The following HEPH variants were observed in gnomAD, a reference collection of about 807,000 sequenced individuals.
HEPH encodes hephaestin.
In HEPH, 69 loss-of-function variants were observed where a neutral mutation model predicts 80.8. The ratio of observed to expected loss-of-function variants is 0.85; its 90% CI spans 0.70 to 1.04. The LOEUF (loss-of-function observed/expected upper bound fraction) is 1.04, where lower values mean the gene tolerates loss of function less well. Ranked by LOEUF, HEPH falls within the 50% of genes least tolerant of loss-of-function variation. HEPH has a pLI of 0.00. For missense variants in HEPH, 1,115 were observed against 891.3 expected (o/e 1.25, Z -3.20); for synonymous variants, 431 against 322.8 (o/e 1.34, Z -3.60).
At chrX:66,228,420 A>C (rs2089980674) in intron 15 of HEPH, among the ~76,000 whole-genome samples, 1 of 113,135 alleles carries the variant, frequency 8.8e-6, no homozygotes, top group African/African-American at 3.2e-5. Context: ...ACCTGAAACC[A>C]TAAAAATTCT....
rs771417028 is a variant in HEPH at position 66,256,229 on chromosome X, A to T, written c.2795A>T (p.Lys932Met). The T allele has an allele frequency of 6.6e-6, 8 of 1,211,033 alleles. No homozygotes were observed. The South Asian group carries it at 1.4e-4, about 21-fold the overall frequency. ...TTGTTCTTGATTTTTGATGAAAATAAGTCTTGGTATTTGGAGGAAAATGTG... is the reference window on the plus strand; with the variant it reads ...TTGTTCTTGATTTTTGATGAAAATATGTCTTGGTATTTGGAGGAAAATGTG... ...ALLFLIFDEN[K>M]SWYLEENVAT... The change falls in exon 17 of 21, where the codon AAG (lysine) becomes ATG (methionine). Residue 932 changes from lysine (K) to methionine (M), a missense_variant. Physicochemically the swap from Lys to Met is moderately conservative, Grantham distance 95. This residue lies in a region of HEPH where 716 missense variants were observed against 523.5 expected (regional missense o/e 1.37). Transcript: ENST00000343002.
chrX:66,234,660 G>A (rs766964233), intron 15 of HEPH, among the ~76,000 whole-genome samples: 1 of 108,391 alleles, frequency 9.2e-6, no homozygotes, highest in South Asian at 4.1e-4. Context: ...TTTTTTAGAG[G>A]TAGTCTTGCT....
chrX:66,196,932 A>G (rs2147759273), intron 9 of HEPH, among the ~76,000 whole-genome samples: 1 of 107,716 alleles, frequency 9.3e-6, no homozygotes. Context: ...ATTTTTTTTC[A>G]AGTGTTATTC....
chrX:66,236,435 G>A (rs2090365055), intron 15 of HEPH, among the ~76,000 whole-genome samples: 1 of 111,595 alleles, frequency 9.0e-6, no homozygotes, highest in Non-Finnish European at 1.9e-5. Context: ...TGCATATGTT[G>A]AACTGATCTT....
intron 4 of HEPH, among the ~76,000 whole-genome samples, chrX:66,176,193 A>G (rs914277592): frequency 1.8e-5 from 2 of 112,003 alleles, no homozygotes; most frequent in Admixed American, 1.9e-4. Flanking sequence ...TGTCCCTTGT[A>G]TACCAATTTT....
intron 19 of HEPH, among the ~76,000 whole-genome samples, chrX:66,262,275 C>T (rs1317988827): frequency 1.8e-5 from 2 of 111,555 alleles, no homozygotes; most frequent in Non-Finnish European, 3.8e-5. Flanking sequence ...AAGATTAGTG[C>T]AAGAGTGGAG....
chrX:66,231,313 G>T (rs1189466932), intron 15 of HEPH, among the ~76,000 whole-genome samples: 1 of 107,226 alleles, frequency 9.3e-6, no homozygotes, highest in African/African-American at 3.4e-5. Context: ...ATTCTGTGAA[G>T]AAAGTCATTG....
At chrX:66,248,342 G>T (rs142476099) in intron 15 of HEPH, among the ~76,000 whole-genome samples, 159 of 112,245 alleles carry the variant, frequency 1.4e-3, no homozygotes, top group Middle Eastern at 4.6e-3. Flanking sequence ...CCTGGGATGA[G>T]AATGTTTCCT....
rs1293343721 is a variant in HEPH, at chrX:66,170,693, C to A, written c.123C>A (p.Pro41=). The A allele has an allele frequency of 8.3e-7, 1 of 1,208,610 alleles. No individual in the cohort carries two copies. The highest frequency in any genetic ancestry group is 1.1e-6 in the Non-Finnish European group (1 of 894,502). The change falls in exon 2 of 21, where the codon CCC becomes CCA. Residue 41 remains proline (P), a synonymous_variant. Transcript: ENST00000343002. The part of the protein sequence containing the change: ...GIRDVQWNYA[P]KGRNVITNQP... ...GGGATGTGCAGTGGAACTATGCTCC[C>A]AAGGGAAGAAATGTCATCACGAACC...
At chrX:66,233,290 T>A (rs2090230174) in intron 15 of HEPH, among the ~76,000 whole-genome samples, 1 of 111,558 alleles carries the variant, frequency 9.0e-6, no homozygotes, top group Non-Finnish European at 1.9e-5. Context: ...TTCACCAGCC[T>A]CCTGAAAGGC....
chrX:66,266,623 G>A lies in HEPH; in HGVS notation c.3428G>A (p.Arg1143Lys), dbSNP rs1428339067. Residue 1143 changes from arginine (R) to lysine (K), a missense_variant, in exon 21 of 21, where the codon AGG becomes AAG. By Grantham distance (26) the Arg-to-Lys change is conservative. Transcript: ENST00000343002. ...QHRQRKLRRN[R>K]RSILDDSFKL... Reference sequence around the variant, plus strand: ...CGACAGAGAAAGCTACGACGCAATAGGAGGTCCATCCTGGATGACAGCTTC... The same window carrying A: ...CGACAGAGAAAGCTACGACGCAATAAGAGGTCCATCCTGGATGACAGCTTC... 8.3e-7 allele frequency: 1 copy of A among 1,209,574 alleles called. No individual in the cohort carries two copies. Among genetic ancestry groups the A allele is most frequent in the Admixed American group, 2.2e-5 (1 of 45,864 alleles).
chrX:66,176,646 C>A (rs763582948), intron 4 of HEPH, among the ~76,000 whole-genome samples: 1 of 111,000 alleles, frequency 9.0e-6, no homozygotes, highest in African/African-American at 3.3e-5. Flanking sequence ...CTATCCCTCC[C>A]CCCTCTCCCC....
intron 15 of HEPH, among the ~76,000 whole-genome samples, chrX:66,245,031 A>G (rs905717423): frequency 1.8e-5 from 2 of 111,461 alleles, no homozygotes; most frequent in Admixed American, 9.6e-5. Context: ...ACTGAGGACC[A>G]ATTGTAAAGA....
chrX:66,243,091 G>A (rs1459102312), intron 15 of HEPH, among the ~76,000 whole-genome samples: 1 of 111,710 alleles, frequency 9.0e-6, no homozygotes, highest in African/African-American at 3.3e-5. Context: ...TTTCATGATA[G>A]CATGAACAGT....
At chrX:66,172,947 G>A (rs1286396033) in intron 3 of HEPH, among the ~76,000 whole-genome samples, 1 of 112,414 alleles carries the variant, frequency 8.9e-6, no homozygotes, top group Non-Finnish European at 1.9e-5. Context: ...GTGAAGGATT[G>A]TCATCCTAGT....
rs878987402 is a variant in HEPH at position 66,266,705 on chromosome X, C to T, written c.*33C>T. 5 of 1,029,033 alleles carry T rather than the reference C, an allele frequency of 4.9e-6. No individual in the cohort carries two copies. Among genetic ancestry groups the T allele is most frequent in the Non-Finnish European group, 6.8e-6 (5 of 736,191 alleles). The allele number at this position is 1,029,033 out of a possible 1,213,427, so 84.8% of individuals were successfully genotyped here. On this transcript the variant is annotated 3_prime_UTR_variant, in exon 21 of 21. Transcript: ENST00000343002. ...AGCCTGGAGATATCCTCAGGAAGCACATCTGTAGTGCACTCCCAGCAGGCC... is the reference window on the plus strand; with the variant it reads ...AGCCTGGAGATATCCTCAGGAAGCATATCTGTAGTGCACTCCCAGCAGGCC...
At position 66,203,501 on chromosome X, in the gene HEPH, G is replaced by A; in HGVS notation, c.2215G>A (p.Ala739Thr). 1 of 1,211,872 alleles carries A rather than the reference G, an allele frequency of 8.3e-7. No individual in the cohort carries two copies. Among genetic ancestry groups the A allele is most frequent in the Non-Finnish European group, 1.1e-6 (1 of 895,387 alleles). ...YQAARIYYIMAEEVEWDYCPD... is the reference protein window; with the variant it reads ...YQAARIYYIMTEEVEWDYCPD... Reference sequence around the variant, plus strand: ...AGCTGCAAGAATCTACTATATCATGGCAGAAGAAGTAGAGTGGGACTATTG... The same window carrying A: ...AGCTGCAAGAATCTACTATATCATGACAGAAGAAGTAGAGTGGGACTATTG... The change falls in exon 13 of 21, where the codon GCA (alanine) becomes ACA (threonine). Residue 739 changes from alanine to threonine, a missense_variant. Physicochemically the swap from Ala to Thr is moderately conservative, Grantham distance 58. Transcript: ENST00000343002.
At chrX:66,202,938 T>TATAC (rs1419712201) in intron 12 of HEPH, among the ~76,000 whole-genome samples, 113 of 96,785 alleles carry the variant, frequency 1.2e-3, no homozygotes, top group Non-Finnish European at 2.0e-3. Context: ...TATATATATA[T>TATAC]ACACACACAC....
downstream of HEPH, chrX:66,268,250 G>A (rs762508571): frequency 2.7e-5 from 3 of 111,946 alleles, no homozygotes; most frequent in African/African-American, 9.8e-5. Flanking sequence ...TTTTCTGTCT[G>A]TCCAGCAATC....
Sources: gnomAD v4.1 joint callset for allele counts (sites outside exome capture counted in the v4.1 genomes callset) on GRCh38, gnomAD v4.1.1 for gene constraint, gnomAD v4.1.1 regional missense constraint, MANE v1.5 for transcripts, NCBI Gene and HGNC (gene_info 2026-07-23, HGNC 2026-07-21) for gene names.